The following ACOXL variants were observed in gnomAD, a reference collection of about 807,000 sequenced individuals.
The protein encoded by ACOXL is acyl-coenzyme A oxidase-like protein.
A neutral mutation model predicts 71.9 loss-of-function variants in ACOXL; 70 were observed. The ratio of observed to expected loss-of-function variants is 0.97; its 90% confidence interval spans 0.80 to 1.19. The LOEUF (loss-of-function observed/expected upper bound fraction) is 1.19, where lower values mean the gene tolerates loss of function less well. ACOXL is among the 50% of genes most tolerant of loss of function. ACOXL has a pLI of 0.00. For missense variants in ACOXL, 703 were observed against 736.3 expected (o/e 0.95, Z 0.52); for synonymous variants, 253 against 281.6 (o/e 0.90, Z 1.02).
chr2:110,777,910 A>G (rs1027887062), intron 2 of ACOXL, among the ~76,000 whole-genome samples: 1 of 152,216 alleles, frequency 6.6e-6, no homozygotes, highest in Admixed American at 6.5e-5. Context: ...TGTGGGTAGC[A>G]TTAGTGGTTT....
intron 10 of ACOXL, among the ~76,000 whole-genome samples, chr2:110,845,698 G>A (rs77560603): frequency 7.9e-5 from 12 of 152,110 alleles, no homozygotes; most frequent in African/African-American, 1.2e-4. Context: ...TTGCCTTTTC[G>A]TGACTACCTT....
chr2:111,035,117 C>T (rs773949223), intron 15 of ACOXL, among the ~76,000 whole-genome samples: 5 of 152,076 alleles, frequency 3.3e-5, no homozygotes, highest in Non-Finnish European at 5.9e-5. Flanking sequence ...CTGCCCACCT[C>T]GGCCTCCCAA....
intron 17 of ACOXL, chr2:111,093,662 C>A (rs191053094): frequency 1.2e-5 from 10 of 856,098 alleles, no homozygotes; most frequent in Admixed American, 5.9e-5. Flanking sequence ...CTCAGGAGTT[C>A]GACACCATCT....
chr2:111,029,543 G>A lies in ACOXL; in HGVS notation c.1282-2084G>A, dbSNP rs139613878. On this transcript the variant is annotated intron_variant, in intron 14 of 17. Transcript: ENST00000439055. The stretch of plus-strand genomic sequence containing the variant: ...GGGCGTGAGGATCACTGTGAAGCCC[G>A]CAGTTGGCTTCAGCCTCTTATTTCC... 2.4e-3 allele frequency among the ~76,000 whole-genome samples: 362 copies of A among 152,342 alleles called. 2 individuals are homozygous for A. Among genetic ancestry groups the A allele is most frequent in the African/African-American group, 8.2e-3 (341 of 41,580 alleles).
At chr2:110,781,556 C>G (rs1409314003) in intron 2 of ACOXL, among the ~76,000 whole-genome samples, 2 of 151,956 alleles carry the variant, frequency 1.3e-5, no homozygotes, top group African/African-American at 4.8e-5. Context: ...GCAGGAGAAT[C>G]GCTTCACCCT....
rs759096145 is a variant in ACOXL, at chr2:111,019,736, G to A, written c.1282-11891G>A. Among the ~76,000 whole-genome samples, 13 of 152,348 alleles carry A rather than the reference G, an allele frequency of 8.5e-5. No individual in the cohort carries two copies. The East Asian group carries it at 1.2e-3, about 14-fold the overall frequency. ...GACCAGAGCTTGGAAGACAGCGTGCGTGAAAGAAGAGGCTGCAGAGATCCT... is the reference window on the plus strand; with the variant it reads ...GACCAGAGCTTGGAAGACAGCGTGCATGAAAGAAGAGGCTGCAGAGATCCT... On this transcript the variant is annotated intron_variant, in intron 14 of 17. Transcript: ENST00000439055.
chr2:110,976,546 T>TA (rs1423841302), intron 12 of ACOXL, among the ~76,000 whole-genome samples: 6 of 152,252 alleles, frequency 3.9e-5, no homozygotes, highest in Non-Finnish European at 7.3e-5. Flanking sequence ...TGAAAAATGT[T>TA]ACTTGTGGAT....
At chr2:110,978,532 G>A (rs541151131) in intron 12 of ACOXL, among the ~76,000 whole-genome samples, 1 of 152,266 alleles carries the variant, frequency 6.6e-6, no homozygotes, top group East Asian at 1.9e-4. Context: ...AGGAACCGGT[G>A]CAGGCTGGAA....
chr2:110,870,836 G>A (rs1174727269), intron 10 of ACOXL, among the ~76,000 whole-genome samples: 1 of 152,174 alleles, frequency 6.6e-6, no homozygotes, highest in African/African-American at 2.4e-5. Context: ...ATGGTGGGGG[G>A]AGGAACCCAT....
intron 5 of ACOXL, among the ~76,000 whole-genome samples, chr2:110,797,327 A>G (rs1196701965): frequency 6.6e-6 from 1 of 152,226 alleles, no homozygotes; most frequent in East Asian, 1.9e-4. Flanking sequence ...ACTGCATGGT[A>G]CATTCTAAGA....
chr2:110,921,653 A>G (rs1346986462), intron 11 of ACOXL, among the ~76,000 whole-genome samples: 1 of 151,654 alleles, frequency 6.6e-6, no homozygotes. Flanking sequence ...TTGGCCTCCC[A>G]AAGTACTAGG....
intron 10 of ACOXL, chr2:110,886,982 C>CT (rs1697377297): frequency 9.1e-7 from 1 of 1,098,664 alleles, no homozygotes; most frequent in Admixed American, 2.4e-5. Flanking sequence ...AACTTTTTAT[C>CT]TGAGAATGTT....
At chr2:110,992,197 T>C (rs1178708813) in intron 13 of ACOXL, among the ~76,000 whole-genome samples, 1 of 152,234 alleles carries the variant, frequency 6.6e-6, no homozygotes, top group Non-Finnish European at 1.5e-5. Context: ...AGTCCATTTA[T>C]TTTTGTCTCA....
intron 9 of ACOXL, among the ~76,000 whole-genome samples, chr2:110,834,578 A>G (rs1420737428): frequency 6.6e-6 from 1 of 152,270 alleles, no homozygotes; most frequent in Non-Finnish European, 1.5e-5. Flanking sequence ...CTGTCCTGCC[A>G]TAGTCCCAGT....
At chr2:111,009,651 T>C (rs1362445481) in intron 14 of ACOXL, among the ~76,000 whole-genome samples, 1 of 152,012 alleles carries the variant, frequency 6.6e-6, no homozygotes, top group Non-Finnish European at 1.5e-5. Flanking sequence ...ACCACTCAAA[T>C]CCATGACTGA....
intron 12 of ACOXL, among the ~76,000 whole-genome samples, chr2:110,983,030 T>C (rs1489102601): frequency 6.6e-6 from 1 of 152,238 alleles, no homozygotes; most frequent in Non-Finnish European, 1.5e-5. Flanking sequence ...CCCAGTGCCG[T>C]AAGTACTGCC....
At chr2:110,825,858 G>A (rs1279498020) in intron 9 of ACOXL, among the ~76,000 whole-genome samples, 4 of 152,112 alleles carry the variant, frequency 2.6e-5, no homozygotes, top group Admixed American at 2.6e-4. Flanking sequence ...GGAGTAGCAT[G>A]GTTTCTTTGT....
At chr2:110,781,861 A>G (rs1484246113) in intron 2 of ACOXL, among the ~76,000 whole-genome samples, 1 of 152,074 alleles carries the variant, frequency 6.6e-6, no homozygotes, top group African/African-American at 2.4e-5. Context: ...AGGAGTATAT[A>G]TGTCTTTTAC....
chr2:111,039,270 G>A (rs1304551587), intron 15 of ACOXL, among the ~76,000 whole-genome samples: 1 of 152,158 alleles, frequency 6.6e-6, no homozygotes, highest in Non-Finnish European at 1.5e-5. Flanking sequence ...GTGCCAGGAG[G>A]AAAAATAGTG....
Sources: gnomAD v4.1 joint callset for allele counts (sites outside exome capture counted in the v4.1 genomes callset) on GRCh38, gnomAD v4.1.1 for gene constraint, MANE v1.5 for transcripts, NCBI Gene and HGNC (gene_info 2026-07-23, HGNC 2026-07-21) for gene names.